Variants in PLD1 observed in about 807,000 individuals in gnomAD.
PLD1 encodes the protein choline phosphatase 1.
A neutral mutation model predicts 137.1 loss-of-function variants in PLD1; 112 were observed. That is an observed-to-expected ratio of 0.82 (90% CI 0.70 to 0.96). The LOEUF (loss-of-function observed/expected upper bound fraction) is 0.96, where lower values mean the gene tolerates loss of function less well. Among genes scored for constraint, PLD1 ranks in the 40% least tolerant of loss-of-function variants. PLD1 has a pLI of 0.00. For missense variants in PLD1, 1,321 were observed against 1,342.0 expected (o/e 0.98, Z 0.24); for synonymous variants, 431 against 454.7 (o/e 0.95, Z 0.66).
At chr3:171,661,304 C>T (rs760573745) in intron 20 of PLD1, among the ~76,000 whole-genome samples, 10 of 152,082 alleles carry the variant, frequency 6.6e-5, no homozygotes, top group Non-Finnish European at 1.2e-4. Flanking sequence ...TTAACCCATT[C>T]CCCTATCTAC....
At chr3:171,751,637 T>TA (rs370765571) in intron 1 of PLD1, among the ~76,000 whole-genome samples, 1 of 152,214 alleles carries the variant, frequency 6.6e-6, no homozygotes, top group African/African-American at 2.4e-5. Flanking sequence ...TTTCCAAGTA[T>TA]AAAATTACAA....
intron 20 of PLD1, among the ~76,000 whole-genome samples, chr3:171,659,680 A>G (rs1040012951): frequency 1.3e-5 from 2 of 152,204 alleles, no homozygotes; most frequent in African/African-American, 2.4e-5. Context: ...TAAAAATTCT[A>G]TATTGGCAAA....
rs368205864 is a variant in PLD1 at position 171,653,370 on chromosome 3, T to C, written c.2429+5843A>G. 2.6e-5 allele frequency: 4 copies of C among 152,240 alleles called. No individual in the cohort carries two copies. In the East Asian group the frequency reaches 5.8e-4, roughly 22 times the overall value. 9.4% of individuals were successfully genotyped at this position (152,240 alleles called of 1,614,324 possible). On this transcript the variant is annotated intron_variant, in intron 21 of 26. Transcript: ENST00000351298. ...ATACTAAACTAAACACATATTATGC[T>C]TCAGAATACATTTTGTTTTACTTTA... is the stretch of plus-strand genomic sequence containing the variant.
rs1483800456 is a variant in PLD1 at position 171,794,297 on chromosome 3, T to C, written c.-32+16102A>G. 2.0e-5 allele frequency among the ~76,000 whole-genome samples: 3 copies of C among 152,350 alleles called. No homozygotes were observed. The South Asian group carries it at 6.2e-4, about 32-fold the overall frequency. On this transcript the variant is annotated intron_variant, in intron 1 of 26. Coordinates refer to ENST00000351298, the MANE Select transcript of PLD1 (RefSeq NM_002662.5). ...TTAATCTCTTACTGTACCTAATTTA[T>C]ATATTACATTTTATCATAGGTATGT...
intron 8 of PLD1, among the ~76,000 whole-genome samples, chr3:171,715,752 T>C (rs1717633059): frequency 6.6e-6 from 1 of 152,124 alleles, no homozygotes; most frequent in South Asian, 2.1e-4. Context: ...TTTTTGTCAA[T>C]AGATATATTT....
intron 1 of PLD1, among the ~76,000 whole-genome samples, chr3:171,746,500 G>A (rs1204407394): frequency 1.3e-5 from 2 of 151,864 alleles, no homozygotes; most frequent in Admixed American, 6.6e-5. Flanking sequence ...TGTCCAGCTG[G>A]AGGATTGTAA....
chr3:171,623,199 G>A (rs7620136), intron 23 of PLD1, among the ~76,000 whole-genome samples: 78,996 of 151,788 alleles, frequency 0.52, 21,835 homozygotes, highest in African/African-American at 0.72. Context: ...TGGTAAAAAT[G>A]CCAACAAGTT....
At chr3:171,617,510 T>C (rs1733220320) in intron 24 of PLD1, among the ~76,000 whole-genome samples, 1 of 149,646 alleles carries the variant, frequency 6.7e-6, no homozygotes, top group Admixed American at 6.8e-5. Flanking sequence ...ATCTCTCTAT[T>C]GTGCTTTGCA....
chr3:171,769,296 G>A (rs1178840640), intron 1 of PLD1, among the ~76,000 whole-genome samples: 1 of 152,194 alleles, frequency 6.6e-6, no homozygotes, highest in Admixed American at 6.5e-5. Flanking sequence ...TGAGTTTCAT[G>A]TAAGCTTTTA....
intron 1 of PLD1, among the ~76,000 whole-genome samples, chr3:171,744,391 C>T (rs1719990911): frequency 1.3e-5 from 2 of 152,274 alleles, no homozygotes; most frequent in South Asian, 4.1e-4. Flanking sequence ...CCTGTGAGTC[C>T]AGCTTGCTAT....
At chr3:171,748,768 T>C (rs1720450623) in intron 1 of PLD1, among the ~76,000 whole-genome samples, 1 of 151,094 alleles carries the variant, frequency 6.6e-6, no homozygotes, top group African/African-American at 2.4e-5. Flanking sequence ...GTTATTTCTG[T>C]CTTTCTGTGT....
At chr3:171,776,050 T>C (rs1018695326) in intron 1 of PLD1, among the ~76,000 whole-genome samples, 5 of 152,180 alleles carry the variant, frequency 3.3e-5, no homozygotes, top group African/African-American at 9.6e-5. Flanking sequence ...ATAAAAACAG[T>C]AACCCCTTCA....
intron 21 of PLD1, among the ~76,000 whole-genome samples, chr3:171,657,799 A>C (rs1158946872): frequency 6.6e-6 from 1 of 152,194 alleles, no homozygotes; most frequent in Non-Finnish European, 1.5e-5. Context: ...ACAAGGAAAA[A>C]AATAGATAAG....
At chr3:171,741,852 C>T (rs1465085151) in intron 1 of PLD1, among the ~76,000 whole-genome samples, 1 of 151,946 alleles carries the variant, frequency 6.6e-6, no homozygotes, top group Non-Finnish European at 1.5e-5. Flanking sequence ...TTTCAGATAA[C>T]AAATAGATAA....
At chr3:171,776,124 G>C (rs981302121) in intron 1 of PLD1, among the ~76,000 whole-genome samples, 3 of 152,186 alleles carry the variant, frequency 2.0e-5, no homozygotes, top group Admixed American at 1.3e-4. Context: ...ATTCAGAGTA[G>C]GAAAAGGCAG....
intron 23 of PLD1, among the ~76,000 whole-genome samples, chr3:171,640,832 C>T (rs2108367030): frequency 6.6e-6 from 1 of 152,354 alleles, no homozygotes; most frequent in Non-Finnish European, 1.5e-5. Flanking sequence ...TAGGGGATCT[C>T]CTTCCTCAGC....
chr3:171,732,464 A>G (rs1034918009), intron 6 of PLD1, among the ~76,000 whole-genome samples: 1 of 152,178 alleles, frequency 6.6e-6, no homozygotes, highest in East Asian at 1.9e-4. Flanking sequence ...CTGGATGTAT[A>G]TTTGGACCAG....
At chr3:171,642,217 G>A (rs1735813651) in intron 23 of PLD1, among the ~76,000 whole-genome samples, 1 of 152,080 alleles carries the variant, frequency 6.6e-6, no homozygotes, top group Non-Finnish European at 1.5e-5. Flanking sequence ...CACTTTGGGA[G>A]GCTGTGGCGG....
chr3:171,675,963 C>T (rs1357732846), intron 18 of PLD1, among the ~76,000 whole-genome samples: 1 of 151,868 alleles, frequency 6.6e-6, no homozygotes, highest in Non-Finnish European at 1.5e-5. Flanking sequence ...CTGCCTCAGC[C>T]TCCAGAGCAG....
Sources: gnomAD v4.1 joint callset for allele counts (sites outside exome capture counted in the v4.1 genomes callset) on GRCh38, gnomAD v4.1.1 for gene constraint, MANE v1.5 for transcripts, NCBI Gene and HGNC (gene_info 2026-07-23, HGNC 2026-07-21) for gene names.